DENND4A: variants seen among roughly 807,000 people sequenced by gnomAD.
DENND4A encodes the protein DENN domain containing 4A.
Under a neutral mutation model 199.3 loss-of-function variants are expected in DENND4A, and 70 were observed. The observed-to-expected ratio is 0.35, with a 90% CI of 0.29 to 0.43. The LOEUF (loss-of-function observed/expected upper bound fraction) is 0.43, where lower values mean the gene tolerates loss of function less well. DENND4A is among the 20% of genes least tolerant of loss of function. The pLI is 1.00. For synonymous variants in DENND4A, 686 were observed against 766.9 expected, an observed-to-expected ratio of 0.89 and a Z score of 1.74; for missense variants, 1,723 against 2,255.8, an observed-to-expected ratio of 0.76 and a Z score of 4.78.
chr15:65,737,681 T>C (rs1170454892), intron 7 of DENND4A, 26 bp downstream of exon 7: 1 of 1,544,872 alleles, frequency 6.5e-7, no homozygotes, highest in African/African-American at 1.4e-5. Flanking sequence ...ATCTGTCAAA[T>C]GTTGAACCAA....
At chr15:65,687,076 C>T (rs1188070317) in intron 23 of DENND4A, among the ~76,000 whole-genome samples, 3 of 152,068 alleles carry the variant, frequency 2.0e-5, no homozygotes, top group Non-Finnish European at 4.4e-5. Context: ...TAGTCTATTT[C>T]TCTGTTCCCC....
At chr15:65,685,616 A>G (rs1800477331) in intron 23 of DENND4A, among the ~76,000 whole-genome samples, 1 of 152,246 alleles carries the variant, frequency 6.6e-6, no homozygotes, top group Non-Finnish European at 1.5e-5. Context: ...AATACCTAAT[A>G]CAATGTAAAT....
At chr15:65,765,491 C>CTTTCACCCCGTTTTCTTCAAATGGT (rs2076960855) in intron 1 of DENND4A, among the ~76,000 whole-genome samples, 1 of 152,108 alleles carries the variant, frequency 6.6e-6, no homozygotes, top group African/African-American at 2.4e-5. Flanking sequence ...GCTGGTATAC[C>CTTTCACCCCGTTTTCTTCAAATGGT]TTTCACCCCG....
chr15:65,701,170 G>A lies in DENND4A; in HGVS notation c.2582C>T (p.Pro861Leu). 2.5e-6 allele frequency: 4 copies of A among 1,597,170 alleles called. No individual in the cohort carries two copies. The highest frequency in any genetic ancestry group is 1.1e-5 in the South Asian group (1 of 87,154). ...AAAATAGCCACTACGACTTCTTGAA[G>A]GCCAGGTACTTTCCAAAACAGCCTA... ...YNKAVLESTW[P>L]SRSRSGYFLW... The change falls in exon 19 of 33, where the codon CCT becomes CTT. Residue 861 changes from proline (P) to leucine (L), a missense_variant. This residue lies in a region of DENND4A where 36 missense variants were observed against 85.7 expected (regional missense o/e 0.42). Transcript: ENST00000443035.
chr15:65,761,382 G>C lies in DENND4A; in HGVS notation c.-45C>G, dbSNP rs1043331391. 5 of 152,130 alleles carry C rather than the reference G, an allele frequency of 3.3e-5. No individual in the cohort carries two copies. Among genetic ancestry groups the C allele is most frequent in the African/African-American group, 1.2e-4 (5 of 41,416 alleles). 9.4% of individuals were successfully genotyped at this position (152,130 alleles called of 1,614,324 possible). ...TACACATTACCGAAAGTTTCTCTCTGAAAAAGATGACAGATTTCAATGTGT... is the reference window on the plus strand; with the variant it reads ...TACACATTACCGAAAGTTTCTCTCTCAAAAAGATGACAGATTTCAATGTGT... On this transcript the variant is annotated 5_prime_UTR_variant, in exon 2 of 33. Transcript: ENST00000443035.
chr15:65,721,119 A>T (rs2075627071), intron 12 of DENND4A, among the ~76,000 whole-genome samples: 1 of 151,004 alleles, frequency 6.6e-6, no homozygotes, highest in Non-Finnish European at 1.5e-5. Flanking sequence ...AGCCAATGTT[A>T]ATAATATTTG....
At chr15:65,684,367 C>T (rs2076681807) in intron 23 of DENND4A, among the ~76,000 whole-genome samples, 2 of 152,186 alleles carry the variant, frequency 1.3e-5, no homozygotes, top group African/African-American at 2.4e-5. Flanking sequence ...TTCTCCACAT[C>T]CCCTCCACTT....
chr15:65,790,962 T>C (rs1298994228), intron 1 of DENND4A, among the ~76,000 whole-genome samples: 1 of 152,196 alleles, frequency 6.6e-6, no homozygotes, highest in East Asian at 1.9e-4. Context: ...AGAGGTATAC[T>C]AGGGTAAACA....
chr15:65,676,297 C>A, intron 24 of DENND4A, 148 bp downstream of exon 24: 1 of 669,524 alleles, frequency 1.5e-6, no homozygotes, highest in East Asian at 3.2e-5. Flanking sequence ...TGTGAAAGTG[C>A]CTTGGTTTTA....
At chr15:65,719,321 T>TC (rs1555425280) in intron 12 of DENND4A, 8 of 139,112 alleles carry the variant, frequency 5.8e-5, no homozygotes, top group Admixed American at 4.3e-4. Context: ...AGTTCTTCTT[T>TC]CCCTTTTTTT....
At position 65,728,764 on chromosome 15, in the gene DENND4A, C is replaced by T. The variant is rs996321153; in HGVS notation, c.1487+308G>A. Among the ~76,000 whole-genome samples the T allele has an allele frequency of 6.6e-5, 10 of 152,166 alleles. No individual in the cohort carries two copies. The South Asian group carries it at 8.3e-4, about 13-fold the overall frequency. ...TTGGCCTCCCAAAGTGCTAGGATTA[C>T]AGGCATGAGCCACCGCGCCCGGCCC... On this transcript the variant is annotated intron_variant, in intron 11 of 32. Coordinates refer to ENST00000443035, the MANE Select transcript of DENND4A (RefSeq NM_001320835.1).
At position 65,670,022 on chromosome 15, in the gene DENND4A, C is replaced by G; in HGVS notation, c.4631G>C (p.Arg1544Pro). Residue 1544 changes from arginine (R) to proline (P), a missense_variant, in exon 26 of 33, where the codon CGA (arginine) becomes CCA (proline). Physicochemically the swap from Arg to Pro is moderately radical, Grantham distance 103 (BLOSUM62 -2). This residue lies in a region of DENND4A where 141 missense variants were observed against 170.7 expected (regional missense o/e 0.83). Transcript: ENST00000443035. The part of the protein sequence containing the change: ...FLNIEIRDLR[R>P]PGRYFLKSSP... Reference sequence around the variant, plus strand: ...AAAAAAATATCATTACCTTCCAGGTCGTCTTAAATCTCTTATTTCTATATT... The same window carrying G: ...AAAAAAATATCATTACCTTCCAGGTGGTCTTAAATCTCTTATTTCTATATT... 2 of 1,590,704 alleles carry G rather than the reference C, an allele frequency of 1.3e-6. No individual in the cohort carries two copies. The highest frequency in any genetic ancestry group is 1.7e-6 in the Non-Finnish European group (2 of 1,166,862).
At position 65,715,587 on chromosome 15, in the gene DENND4A, A is replaced by G. The variant is rs2075372750; in HGVS notation, c.1844T>C (p.Phe615Ser). ...TTGTGTTTTGGTCATCATGTTATAG[A>G]ATTTTTGATGTGACCGGTCCCGGCT... ...LRSRDRSHQK[F>S]YNMMTKTQMF... The change falls in exon 14 of 33, where the codon TTC (phenylalanine) becomes TCC (serine). Residue 615 changes from phenylalanine to serine, a missense_variant. This residue lies in a region of DENND4A where 725 missense variants were observed against 952.9 expected (regional missense o/e 0.76). Coordinates refer to ENST00000443035, the MANE Select transcript of DENND4A (RefSeq NM_001320835.1). The G allele has an allele frequency of 6.3e-7, 1 of 1,592,754 alleles. No homozygotes were observed. Among genetic ancestry groups the G allele is most frequent in the African/African-American group, 1.3e-5 (1 of 74,488 alleles).
intron 1 of DENND4A, among the ~76,000 whole-genome samples, chr15:65,778,655 T>C (rs1440022466): frequency 1.3e-5 from 2 of 152,086 alleles, no homozygotes; most frequent in Middle Eastern, 3.4e-3. Flanking sequence ...TCCCAGCACT[T>C]TGAGAGGATG....
In DENND4A at chr15:65,752,636, T is replaced by TAAATTTTTAAAAATTTTTAA; in HGVS notation, c.312-9_312-8insTTAAAAATTTTTAAAAATTT. On this transcript the variant is annotated splice_polypyrimidine_tract_variant and intron_variant, in intron 3 of 32. Coordinates refer to ENST00000443035, the MANE Select transcript of DENND4A (RefSeq NM_001320835.1). ...TTCCAGTCATATAAAACCCTAAAAATAAATTTTTAAAAATAAATACACAAA... is the reference window on the plus strand; with the variant it reads ...TTCCAGTCATATAAAACCCTAAAAATAAATTTTTAAAAATTTTTAAAAATTTTTAAAAATAAATACACAAA... 1 of 1,457,956 alleles carries TAAATTTTTAAAAATTTTTAA rather than the reference T, an allele frequency of 6.9e-7. No individual in the cohort carries two copies. Among genetic ancestry groups the TAAATTTTTAAAAATTTTTAA allele is most frequent in the Non-Finnish European group, 9.2e-7 (1 of 1,082,752 alleles). 90.3% of individuals were successfully genotyped at this position (1,457,956 alleles called of 1,614,324 possible). A position where few individuals can be genotyped will look rare whatever the true frequency, so the allele number is the denominator to read the frequency against.
chr15:65,663,790 C>T (rs1320542738), intron 32 of DENND4A, among the ~76,000 whole-genome samples: 1 of 151,954 alleles, frequency 6.6e-6, no homozygotes, highest in African/African-American at 2.4e-5. Flanking sequence ...GCTGGGACTA[C>T]AGCCATGTGC....
At position 65,702,515 on chromosome 15, in the gene DENND4A, G is replaced by GAAAAAATAT. The variant is rs1555421231; in HGVS notation, c.2224-13_2224-5dup. On this transcript the variant is annotated splice_region_variant and splice_polypyrimidine_tract_variant and intron_variant, in intron 16 of 32. Transcript: ENST00000443035. ...TTTTATGGGCTGATTTAATTTCCTGGAAAAAATATAAAGATCTTACTAATA... is the reference window on the plus strand; with the variant it reads ...TTTTATGGGCTGATTTAATTTCCTGGAAAAAATATAAAAAATATAAAGATCTTACTAATA... The GAAAAAATAT allele has an allele frequency of 1.1e-5, 17 of 1,564,642 alleles. No homozygotes were observed. The South Asian group carries it at 1.9e-4, about 17-fold the overall frequency.
At chr15:65,698,584 A>G (rs1030690175) in intron 20 of DENND4A, among the ~76,000 whole-genome samples, 2 of 152,088 alleles carry the variant, frequency 1.3e-5, no homozygotes, top group Non-Finnish European at 2.9e-5. Flanking sequence ...ATTCACTTTA[A>G]TATCGTTGTT....
intron 22 of DENND4A, among the ~76,000 whole-genome samples, chr15:65,692,793 C>T (rs1318007930): frequency 2.0e-5 from 3 of 152,004 alleles, no homozygotes; most frequent in Non-Finnish European, 4.4e-5. Flanking sequence ...ATCTTGTAAC[C>T]AAAAGATAAT....
Sources: gnomAD v4.1 joint callset for allele counts (sites outside exome capture counted in the v4.1 genomes callset) on GRCh38, gnomAD v4.1.1 for gene constraint, gnomAD v4.1.1 regional missense constraint, MANE v1.5 for transcripts, NCBI Gene and HGNC (gene_info 2026-07-23, HGNC 2026-07-21) for gene names.